The following LGR6 variants were observed in gnomAD, a reference collection of about 807,000 sequenced individuals.
LGR6 encodes the protein leucine rich repeat containing G protein-coupled receptor 6.
Under a neutral mutation model 69.4 loss-of-function variants are expected in LGR6, and 45 were observed. That is an observed-to-expected ratio of 0.65 (90% CI 0.51 to 0.83). The LOEUF is 0.83. LGR6 is among the 40% of genes least tolerant of loss of function. The pLI, the probability that LGR6 is intolerant of heterozygous loss-of-function variation, is 0.00. For synonymous variants in LGR6, 538 were observed against 555.0 expected (o/e 0.97, Z 0.43); for missense variants, 1,108 against 1,246.7 (o/e 0.89, Z 1.68).
At position 202,227,919 on chromosome 1, in the gene LGR6, T is replaced by C; in HGVS notation, c.285-17T>C. The stretch of plus-strand genomic sequence containing the variant: ...GGTTACCTGCCAACATCGCTGACCC[T>C]TGTCTCTGATTTCCAGGCGTCTCTC... On this transcript the variant is annotated splice_polypyrimidine_tract_variant and intron_variant, in intron 2 of 17. Transcript: ENST00000367278. 6.2e-7 allele frequency: 1 copy of C among 1,606,444 alleles called. No homozygotes were observed. The highest frequency in any genetic ancestry group is 8.5e-7 in the Non-Finnish European group (1 of 1,173,020).
chr1:202,282,709 A>T (rs765885883), intron 6 of LGR6, among the ~76,000 whole-genome samples: 4 of 152,118 alleles, frequency 2.6e-5, no homozygotes, highest in Non-Finnish European at 5.9e-5. Context: ...CCTCTAAAAA[A>T]CCAACTAGCA....
intron 4 of LGR6, among the ~76,000 whole-genome samples, chr1:202,275,154 G>A (rs536161158): frequency 4.6e-5 from 7 of 152,312 alleles, no homozygotes; most frequent in Non-Finnish European, 1.0e-4. Flanking sequence ...GGATTATGGA[G>A]CTGTAGGGCC....
intron 1 of LGR6, among the ~76,000 whole-genome samples, chr1:202,197,279 G>A (rs1358213928): frequency 1.3e-5 from 2 of 152,168 alleles, no homozygotes; most frequent in Non-Finnish European, 2.9e-5. Flanking sequence ...CCAGAAAGGC[G>A]TCTTTATAGC....
chr1:202,205,968 CA>C (rs780820736), intron 1 of LGR6, among the ~76,000 whole-genome samples: 2 of 73,232 alleles, frequency 2.7e-5, no homozygotes, highest in African/African-American at 8.6e-5. Flanking sequence ...CACAGACACA[CA>C]ACACACACAC....
chr1:202,225,003 C>T (rs1348473523), intron 1 of LGR6, among the ~76,000 whole-genome samples: 1 of 152,182 alleles, frequency 6.6e-6, no homozygotes, highest in Non-Finnish European at 1.5e-5. Context: ...CCTCAGTTTC[C>T]CCACTAGTAA....
intron 6 of LGR6, among the ~76,000 whole-genome samples, chr1:202,297,283 C>G (rs187646070): frequency 1.0e-3 from 155 of 152,322 alleles, no homozygotes; most frequent in African/African-American, 3.2e-3. Context: ...ATGTCTCCCC[C>G]CTCAGAACAG....
intron 11 of LGR6, 66 bp from the exon 12 acceptor site, chr1:202,305,618 C>T: frequency 7.2e-7 from 1 of 1,389,642 alleles, no homozygotes; most frequent in Non-Finnish European, 1.0e-6. Context: ...CTAGAGCCCC[C>T]CGTCCCCGAG....
chr1:202,241,516 C>A (rs1375510270), intron 4 of LGR6, among the ~76,000 whole-genome samples: 1 of 152,216 alleles, frequency 6.6e-6, no homozygotes, highest in Admixed American at 6.5e-5. Context: ...CTCCACAACA[C>A]CCTCCTCCTT....
At chr1:202,218,861 C>T (rs546713331) in intron 1 of LGR6, among the ~76,000 whole-genome samples, 2 of 152,276 alleles carry the variant, frequency 1.3e-5, no homozygotes, top group African/African-American at 4.8e-5. Context: ...AACTACAAAG[C>T]GGAGTACATA....
At chr1:202,257,828 C>T (rs1028130471) in intron 4 of LGR6, among the ~76,000 whole-genome samples, 1 of 152,044 alleles carries the variant, frequency 6.6e-6, no homozygotes, top group African/African-American at 2.4e-5. Flanking sequence ...ATTTTAGAAT[C>T]AGCTTGTCAA....
rs191377346 is a variant in LGR6 at position 202,241,707 on chromosome 1, G to C, written c.428+5714G>C. Among the ~76,000 whole-genome samples, 1,083 of 152,004 alleles carry C rather than the reference G, an allele frequency of 7.1e-3. 12 individuals carry two copies. The highest frequency in any genetic ancestry group is 0.025 in the African/African-American group (1,046 of 41,426). On this transcript the variant is annotated intron_variant, in intron 4 of 17. Transcript: ENST00000367278. ...GGGGAAACAGCATGGCAAAGCAGAA[G>C]AAGTGGGGGCTGCGCTGGTCTGGGT...
intron 2 of LGR6, 127 bp from the exon 3 acceptor site, chr1:202,227,809 T>C: frequency 2.9e-6 from 2 of 684,090 alleles, no homozygotes; most frequent in East Asian, 2.6e-5. Context: ...AAACGCATCG[T>C]AGATTTCAAT....
At chr1:202,258,671 C>A (rs1227511511) in intron 4 of LGR6, among the ~76,000 whole-genome samples, 1 of 151,850 alleles carries the variant, frequency 6.6e-6, no homozygotes, top group East Asian at 1.9e-4. Context: ...GAGGTGTATA[C>A]ATTCATCTTG....
chr1:202,205,969 A>AACACACACACACACACACACACACAC (rs10522754), intron 1 of LGR6, among the ~76,000 whole-genome samples: 14 of 149,108 alleles, frequency 9.4e-5, no homozygotes, highest in African/African-American at 2.7e-4. Flanking sequence ...ACAGACACAC[A>AACACACACACACACACACACACACAC]ACACACACAC....
rs763102974 is a variant in LGR6 at position 202,318,734 on chromosome 1, G to A, written c.2431G>A (p.Val811Ile). Residue 811 changes from valine to isoleucine, a missense_variant, in exon 18 of 18, where the codon GTC becomes ATC. Coordinates refer to ENST00000367278, the MANE Select transcript of LGR6 (RefSeq NM_001017403.2). Reference protein sequence around the residue: ...FPVTPEAVKSVLLVVLPLPAC... With the variant: ...FPVTPEAVKSILLVVLPLPAC... ...TGTCACGCCCGAGGCCGTCAAGTCT[G>A]TCCTGCTGGTGGTGCTGCCCCTGCC... The A allele has an allele frequency of 3.7e-6, 6 of 1,613,546 alleles. No individual in the cohort carries two copies. The highest frequency in any genetic ancestry group is 1.7e-5 in the Admixed American group (1 of 60,036).
At chr1:202,245,409 G>A (rs539958865) in intron 4 of LGR6, among the ~76,000 whole-genome samples, 128 of 152,146 alleles carry the variant, frequency 8.4e-4, no homozygotes, top group Non-Finnish European at 1.7e-3. Context: ...TGGGCCAGGG[G>A]ATCAGGGGTG....
chr1:202,227,249 AT>A (rs1660627668), intron 2 of LGR6, among the ~76,000 whole-genome samples: 1 of 152,234 alleles, frequency 6.6e-6, no homozygotes, highest in African/African-American at 2.4e-5. Flanking sequence ...GATGCACAAA[AT>A]AATGTCCCTG....
intron 1 of LGR6, among the ~76,000 whole-genome samples, chr1:202,210,440 A>C (rs954958086): frequency 3.3e-5 from 5 of 151,746 alleles, no homozygotes; most frequent in African/African-American, 9.7e-5. Flanking sequence ...AAAAAAAAAA[A>C]AAACAAAAAC....
At chr1:202,274,054 G>A (rs1665338065) in intron 4 of LGR6, among the ~76,000 whole-genome samples, 1 of 152,114 alleles carries the variant, frequency 6.6e-6, no homozygotes, top group Non-Finnish European at 1.5e-5. Flanking sequence ...TGCTGGGTGG[G>A]CATCTGCAGA....
Sources: allele counts gnomAD v4.1 joint callset (sites outside exome capture counted in the v4.1 genomes callset), GRCh38; gene constraint gnomAD v4.1.1; transcripts MANE v1.5; gene names NCBI Gene and HGNC (gene_info 2026-07-23, HGNC 2026-07-21).